Variants in SANBR observed in about 807,000 individuals in gnomAD.
The protein encoded by SANBR is SANT and BTB domain regulator of class switch recombination.
Under a neutral mutation model 101.8 loss-of-function variants are expected in SANBR, and 77 were observed. The observed-to-expected ratio is 0.76, with a 90% CI of 0.63 to 0.91. The LOEUF (loss-of-function observed/expected upper bound fraction) is 0.91. Ranked by LOEUF, SANBR falls within the 40% of genes least tolerant of loss-of-function variation. The probability of loss-of-function intolerance (pLI) is 0.00; values close to 1 mark genes in which losing one functional copy is unlikely to be tolerated. For missense variants in SANBR, 875 were observed against 853.0 expected, an observed-to-expected ratio of 1.03 and a Z score of -0.32; for synonymous variants, 279 against 274.7, an observed-to-expected ratio of 1.02 and a Z score of -0.15.
chr2:61,101,784 C>T (rs936462891), intron 12 of SANBR, among the ~76,000 whole-genome samples: 9 of 151,948 alleles, frequency 5.9e-5, no homozygotes, highest in Non-Finnish European at 1.2e-4. Flanking sequence ...AGCCTGTAAT[C>T]CCAGCACTTT....
intron 8 of SANBR, among the ~76,000 whole-genome samples, chr2:61,085,931 A>G (rs1260925652): frequency 1.3e-5 from 2 of 152,188 alleles, no homozygotes; most frequent in Non-Finnish European, 2.9e-5. Flanking sequence ...GCATTTCTAT[A>G]TAAATTTGAT....
intron 20 of SANBR, among the ~76,000 whole-genome samples, chr2:61,130,928 T>TAAAAA (rs1684667653): frequency 1.3e-4 from 1 of 7,714 alleles, no homozygotes; most frequent in Non-Finnish European, 2.6e-4. Context: ...AGACTCTGTC[T>TAAAAA]CAAAAAAAAA....
intron 20 of SANBR, among the ~76,000 whole-genome samples, chr2:61,131,869 TCCAGAAATAAAC>T (rs1684699035): frequency 1.3e-5 from 2 of 152,186 alleles, no homozygotes; most frequent in South Asian, 4.1e-4. Flanking sequence ...GGATTGGGAG[TCCAGAAATAAAC>T]CCACATTTCT....
At chr2:61,080,327 T>G (rs1315653053) in intron 6 of SANBR, among the ~76,000 whole-genome samples, 1 of 152,110 alleles carries the variant, frequency 6.6e-6, no homozygotes, top group East Asian at 1.9e-4. Context: ...AATGCTTAAT[T>G]AAATTTCTAA....
intron 8 of SANBR, among the ~76,000 whole-genome samples, chr2:61,087,357 GGCCAGCCTGGGCAACATA>G (rs1682488625): frequency 6.6e-6 from 1 of 151,938 alleles, no homozygotes; most frequent in Non-Finnish European, 1.5e-5. Flanking sequence ...AGGAGTCTGA[GGCCAGCCTGGGCAACATA>G]GCCAGCCCCA....
At chr2:61,077,760 G>A (rs1238636421) in intron 6 of SANBR, among the ~76,000 whole-genome samples, 1 of 152,170 alleles carries the variant, frequency 6.6e-6, no homozygotes, top group African/African-American at 2.4e-5. Flanking sequence ...TTGAGGAAAA[G>A]CACTTGTGCG....
Position 61,123,352 on chromosome 2 carries a change from T to G in SANBR, c.*1190T>G, listed in dbSNP as rs553672779. ...AATTTCCATTGAAATATTGAAGTGT[T>G]ACACTCAGTTTACACGTACAGAAAT... On this transcript the variant is annotated 3_prime_UTR_variant, in exon 22 of 22. Transcript: ENST00000402291. 1.3e-5 allele frequency: 13 copies of G among 975,470 alleles called. No individual in the cohort carries two copies. In the African/African-American group the frequency reaches 2.3e-4, roughly 17 times the overall value. 60.4% of individuals were successfully genotyped at this position (975,470 alleles called of 1,614,324 possible).
chr2:61,106,633 T>C lies in SANBR; in HGVS notation c.1582T>C (p.Trp528Arg), dbSNP rs370493951. The change falls in exon 14 of 22, where the codon TGG becomes CGG. Residue 528 changes from tryptophan (W) to arginine (R), a missense_variant. Trp to Arg is a moderately radical substitution (Grantham distance 101). Transcript: ENST00000402291. Reference sequence around the variant, plus strand: ...TGTTTTACTGGAGCCAAATACACCATGGGGTCCCAAAACTGGGGAGCTCAA... The same window carrying C: ...TGTTTTACTGGAGCCAAATACACCACGGGGTCCCAAAACTGGGGAGCTCAA... ...CDVLLEPNTP[W>R]GPKTGELNAF... The C allele has an allele frequency of 5.0e-6, 8 of 1,597,044 alleles. No homozygotes were observed. Among genetic ancestry groups the C allele is most frequent in the Admixed American group, 1.8e-5 (1 of 55,648 alleles).
intron 19 of SANBR, among the ~76,000 whole-genome samples, chr2:61,117,746 T>G (rs952895344): frequency 6.6e-6 from 1 of 152,238 alleles, no homozygotes. Context: ...TCTGTGGTTT[T>G]GAGATCATTC....
At chr2:61,115,419 A>G (rs955255955) in intron 16 of SANBR, among the ~76,000 whole-genome samples, 5 of 149,972 alleles carry the variant, frequency 3.3e-5, no homozygotes, top group African/African-American at 1.2e-4. Flanking sequence ...TGCAACCTCT[A>G]CCTCCTGGGT....
At chr2:61,105,674 C>T (rs1028981086) in intron 13 of SANBR, among the ~76,000 whole-genome samples, 1 of 129,340 alleles carries the variant, frequency 7.7e-6, no homozygotes, top group South Asian at 2.5e-4. Flanking sequence ...CCGCACCCCC[C>T]TCCTTTCTTT....
intron 12 of SANBR, among the ~76,000 whole-genome samples, chr2:61,101,601 C>T (rs896352800): frequency 1.3e-5 from 2 of 151,790 alleles, no homozygotes; most frequent in Non-Finnish European, 2.9e-5. Flanking sequence ...GGCTTGGTGG[C>T]GGGCGCCTAT....
chr2:61,092,858 G>A (rs1273748921), intron 11 of SANBR, among the ~76,000 whole-genome samples: 1 of 151,756 alleles, frequency 6.6e-6, no homozygotes, highest in Non-Finnish European at 1.5e-5. Flanking sequence ...ACTAGGCCCG[G>A]TATGGTGGCT....
At chr2:61,100,418 A>G (rs962110431) in intron 12 of SANBR, among the ~76,000 whole-genome samples, 6 of 152,162 alleles carry the variant, frequency 3.9e-5, no homozygotes, top group Admixed American at 2.0e-4. Context: ...TTCTGTTTTG[A>G]TACCAGAGAA....
rs752369748 is a variant in SANBR at position 61,088,474 on chromosome 2, G to A, written c.1088+6G>A. The A allele has an allele frequency of 4.5e-6, 7 of 1,567,618 alleles. No individual in the cohort carries two copies. The highest frequency in any genetic ancestry group is 4.5e-5 in the East Asian group (2 of 44,158). On this transcript the variant is annotated splice_donor_region_variant and intron_variant, in intron 10 of 21. Transcript: ENST00000402291. ...ATTGTCTATATTCACATAAGGTGTC[G>A]TGAAGATAAAATACATACATGTATT... is the stretch of plus-strand genomic sequence containing the variant.
In SANBR at chr2:61,077,097, G is replaced by C; in HGVS notation, c.609G>C (p.Trp203Cys). Residue 203 changes from tryptophan (W) to cysteine (C), a missense_variant, in exon 6 of 22, where the codon TGG (tryptophan) becomes TGC (cysteine). Transcript: ENST00000402291. The stretch of plus-strand genomic sequence containing the variant: ...ATTGCGACGTTCACATTTTCAACTG[G>C]TTGATAAAATACATTAAAAGGAACA... ...SVHCDVHIFNWLIKYIKRNTK... is the reference protein window; with the variant it reads ...SVHCDVHIFNCLIKYIKRNTK... The C allele has an allele frequency of 6.2e-7, 1 of 1,614,082 alleles. No homozygotes were observed. The highest frequency in any genetic ancestry group is 8.5e-7 in the Non-Finnish European group (1 of 1,179,972).
chr2:61,123,685 A>T lies in SANBR; in HGVS notation c.*1523A>T, dbSNP rs1050154638. On this transcript the variant is annotated 3_prime_UTR_variant, in exon 22 of 22. Transcript: ENST00000402291. ...ACGACTAGATAAGGAAAAAATATATATGCTCTTTTGATTTTTAACTGATGG... is the reference window on the plus strand; with the variant it reads ...ACGACTAGATAAGGAAAAAATATATTTGCTCTTTTGATTTTTAACTGATGG... 1.0e-6 allele frequency: 1 copy of T among 985,056 alleles called. No homozygotes were observed. Among genetic ancestry groups the T allele is most frequent in the Non-Finnish European group, 1.2e-6 (1 of 829,568 alleles). The allele number at this position is 985,056 out of a possible 1,614,324, so 61.0% of individuals were successfully genotyped here.
chr2:61,134,862 C>T (rs1434231073), intron 21 of SANBR, among the ~76,000 whole-genome samples: 2 of 151,854 alleles, frequency 1.3e-5, no homozygotes, highest in Non-Finnish European at 2.9e-5. Flanking sequence ...CCACTGCACT[C>T]CAGCCTTGCA....
At chr2:61,073,795 T>C (rs187150019) in intron 5 of SANBR, among the ~76,000 whole-genome samples, 1 of 152,004 alleles carries the variant, frequency 6.6e-6, no homozygotes, top group Non-Finnish European at 1.5e-5. Context: ...AGAAGTAATA[T>C]CTCTTAACAC....
Sources: allele counts gnomAD v4.1 joint callset (sites outside exome capture counted in the v4.1 genomes callset), GRCh38; gene constraint gnomAD v4.1.1; transcripts MANE v1.5; gene names NCBI Gene and HGNC (gene_info 2026-07-23, HGNC 2026-07-21).